Variants in NRXN1 observed in about 807,000 individuals in gnomAD.
NRXN1 encodes neurexin-1.
NRXN1 carries 39 observed loss-of-function variants against 150.9 expected under a neutral mutation model. That is an observed-to-expected ratio of 0.26 (90% CI 0.20 to 0.34). The LOEUF (loss-of-function observed/expected upper bound fraction) is 0.34, where lower values mean the gene tolerates loss of function less well. Ranked by LOEUF, NRXN1 falls within the 10% of genes least tolerant of loss-of-function variation. The pLI is 1.00. For missense variants in NRXN1, 1,815 were observed against 1,949.9 expected (o/e 0.93, Z 1.30); for synonymous variants, 924 against 757.0 (o/e 1.22, Z -3.62).
rs1699533573 is a variant in NRXN1, at chr2:50,091,365, A to T, written c.3676T>A (p.Leu1226Met). 6.2e-7 allele frequency: 1 copy of T among 1,614,116 alleles called. No individual in the cohort carries two copies. The highest frequency in any genetic ancestry group is 8.5e-7 in the Non-Finnish European group (1 of 1,180,044). The change falls in exon 19 of 23, where the codon TTG becomes ATG. Residue 1226 changes from leucine to methionine, a missense_variant. Physicochemically the swap from Leu to Met is conservative, Grantham distance 15 (BLOSUM62 2). Transcript: ENST00000401669. ...ATCACTGGCCAGCTGTCCACCTGCA[A>T]CGTGGCATTGCCACCACTCCTCGTG... is the stretch of plus-strand genomic sequence containing the variant. ...RFTRSGGNAT[L>M]QVDSWPVIER...
At chr2:50,131,396 C>A (rs1705471393) in intron 18 of NRXN1, among the ~76,000 whole-genome samples, 3 of 152,108 alleles carry the variant, frequency 2.0e-5, no homozygotes, top group Admixed American at 6.5e-5. Flanking sequence ...TTTATCTCTT[C>A]AAGATATCAC....
At chr2:50,459,109 C>G (rs2087894612) in intron 17 of NRXN1, among the ~76,000 whole-genome samples, 1 of 151,954 alleles carries the variant, frequency 6.6e-6, no homozygotes, top group Non-Finnish European at 1.5e-5. Flanking sequence ...TAGAAACAAC[C>G]TAGGCCTGAT....
chr2:50,307,008 G>A (rs544931227), intron 17 of NRXN1, among the ~76,000 whole-genome samples: 99 of 151,676 alleles, frequency 6.5e-4, no homozygotes, highest in African/African-American at 2.3e-3. Context: ...TTTCTGAGAT[G>A]GAGTCTTGCT....
intron 17 of NRXN1, among the ~76,000 whole-genome samples, chr2:50,424,195 AG>A (rs2084270097): frequency 1.3e-5 from 1 of 78,986 alleles, no homozygotes; most frequent in African/African-American, 5.6e-5. Flanking sequence ...GAGGGGGAGG[AG>A]GAGGAGGGAA....
chr2:50,738,012 A>C (rs1339623804), intron 5 of NRXN1, among the ~76,000 whole-genome samples: 2 of 152,224 alleles, frequency 1.3e-5, no homozygotes, highest in African/African-American at 2.4e-5. Flanking sequence ...TGTTCTCCAA[A>C]TATGCAAATC....
intron 5 of NRXN1, among the ~76,000 whole-genome samples, chr2:50,820,792 C>T (rs932629335): frequency 4.6e-5 from 7 of 152,076 alleles, no homozygotes; most frequent in Admixed American, 4.6e-4. Context: ...GGGATCAAAA[C>T]CACTTACAGT....
At chr2:50,552,525 G>A (rs1298787264) in intron 9 of NRXN1, 62 bp downstream of exon 9, 8 of 1,283,378 alleles carry the variant, frequency 6.2e-6, no homozygotes, top group Admixed American at 4.0e-5. Flanking sequence ...TCACTTTTAG[G>A]AATGGCATGG....
intron 17 of NRXN1, among the ~76,000 whole-genome samples, chr2:50,462,486 T>A (rs1451186150): frequency 6.6e-6 from 1 of 151,740 alleles, no homozygotes; most frequent in Admixed American, 6.6e-5. Flanking sequence ...AGAAATTACA[T>A]GATATACCAG....
intron 17 of NRXN1, among the ~76,000 whole-genome samples, chr2:50,264,608 G>C (rs1012208523): frequency 3.9e-5 from 6 of 152,118 alleles, no homozygotes; most frequent in African/African-American, 1.4e-4. Context: ...AGAGGTGAAT[G>C]AGAAGTAGGC....
Position 50,927,178 on chromosome 2 carries a change from G to A in NRXN1, c.773-1223C>T, listed in dbSNP as rs183120643. Among the ~76,000 whole-genome samples the A allele has an allele frequency of 1.8e-3, 267 of 152,064 alleles. 4 individuals are homozygous for A. The highest frequency in any genetic ancestry group is 6.1e-3 in the African/African-American group (255 of 41,522). ...AACATGCAAGTATAGAAACTTGAAAGCAAAAACAACTAAGAATGTACCATT... is the reference window on the plus strand; with the variant it reads ...AACATGCAAGTATAGAAACTTGAAAACAAAAACAACTAAGAATGTACCATT... On this transcript the variant is annotated intron_variant, in intron 2 of 22. Coordinates refer to ENST00000401669, the MANE Select transcript of NRXN1 (RefSeq NM_001330078.2).
intron 17 of NRXN1, among the ~76,000 whole-genome samples, chr2:50,361,697 T>C (rs1290806633): frequency 6.6e-6 from 1 of 152,178 alleles, no homozygotes; most frequent in Non-Finnish European, 1.5e-5. Flanking sequence ...CCATTCCTTC[T>C]GAAACTAATC....
At chr2:50,964,290 G>T (rs1260217572) in intron 2 of NRXN1, among the ~76,000 whole-genome samples, 2 of 151,424 alleles carry the variant, frequency 1.3e-5, no homozygotes, top group African/African-American at 4.8e-5. Context: ...GGAAAACTAT[G>T]ACCGTTTTCA....
chr2:51,005,930 G>A (rs1700659712), intron 2 of NRXN1, among the ~76,000 whole-genome samples: 1 of 151,706 alleles, frequency 6.6e-6, no homozygotes, highest in South Asian at 2.1e-4. Context: ...GACTGAAAGT[G>A]AAGAGAAGAC....
At chr2:50,495,353 TGTGTGTGTGTGTGTGTGTGTGTGTGTG>T (rs751895198) in intron 15 of NRXN1, among the ~76,000 whole-genome samples, 19,184 of 57,954 alleles carry the variant, frequency 0.33, 1,826 homozygotes, top group African/African-American at 0.47. Context: ...TCCGTGTGTG[TGTGTGTGTGTGTGTGTGTGTGTGTGTG>T]GTGTGTGTGT....
At chr2:50,419,941 C>A (rs2083844096) in intron 17 of NRXN1, among the ~76,000 whole-genome samples, 1 of 152,022 alleles carries the variant, frequency 6.6e-6, no homozygotes, top group Non-Finnish European at 1.5e-5. Context: ...CCAAATACAT[C>A]TGAATGCATG....
chr2:50,592,807 C>T (rs574473687), intron 8 of NRXN1, among the ~76,000 whole-genome samples: 17 of 152,014 alleles, frequency 1.1e-4, no homozygotes, highest in South Asian at 4.2e-4. Flanking sequence ...ATGTGGTTAG[C>T]GAAAGCCTAG....
chr2:50,335,338 C>A (rs562518653), intron 17 of NRXN1, among the ~76,000 whole-genome samples: 1 of 152,254 alleles, frequency 6.6e-6, no homozygotes, highest in South Asian at 2.1e-4. Flanking sequence ...AAAATGGCCA[C>A]AGTAAAGGAA....
intron 9 of NRXN1, among the ~76,000 whole-genome samples, chr2:50,548,436 T>C (rs2093541318): frequency 6.6e-6 from 1 of 151,802 alleles, no homozygotes; most frequent in African/African-American, 2.4e-5. Flanking sequence ...CAGAAAGTAA[T>C]GTAATTTAAA....
Position 50,186,396 on chromosome 2 carries a change from G to A in NRXN1, c.3546+50393C>T, listed in dbSNP as rs561743149. Among the ~76,000 whole-genome samples the A allele has an allele frequency of 3.9e-4, 59 of 151,212 alleles. 1 individual carries two copies. In the South Asian group the frequency reaches 0.012, roughly 30 times the overall value. ...ATATGAACCTCTTAAAAAGTACTTG[G>A]ATGAAATGTTATGTTCAGAATCTCA... On this transcript the variant is annotated intron_variant, in intron 18 of 22. Coordinates refer to ENST00000401669, the MANE Select transcript of NRXN1 (RefSeq NM_001330078.2).
Sources: allele counts gnomAD v4.1 joint callset (sites outside exome capture counted in the v4.1 genomes callset), GRCh38; gene constraint gnomAD v4.1.1; transcripts MANE v1.5; gene names NCBI Gene and HGNC (gene_info 2026-07-23, HGNC 2026-07-21).